Variants in DNAJC7 observed in about 807,000 individuals in gnomAD.
DNAJC7 encodes dnaJ homolog subfamily C member 7.
DNAJC7 carries 18 observed loss-of-function variants against 67.4 expected under a neutral mutation model. The ratio of observed to expected loss-of-function variants is 0.27; its 90% CI spans 0.18 to 0.40. The LOEUF (loss-of-function observed/expected upper bound fraction) is 0.40. DNAJC7 is among the 10% of genes least tolerant of loss of function. The pLI is 1.00. For synonymous variants in DNAJC7, 220 were observed against 207.8 expected (o/e 1.06, Z -0.50); for missense variants, 419 against 613.8 (o/e 0.68, Z 3.35).
chr17:41,986,745 G>A (rs1170560212), intron 9 of DNAJC7, among the ~76,000 whole-genome samples: 1 of 151,934 alleles, frequency 6.6e-6, no homozygotes, highest in Non-Finnish European at 1.5e-5. Context: ...TGTTTCTGTT[G>A]GACAGACTTA....
intron 1 of DNAJC7, among the ~76,000 whole-genome samples, chr17:42,006,582 A>C (rs2051963824): frequency 6.8e-6 from 1 of 147,570 alleles, no homozygotes; most frequent in Non-Finnish European, 1.5e-5. Flanking sequence ...GCAGATCATG[A>C]AGTCAGGAGT....
At chr17:42,011,291 T>C (rs1217984259) in intron 1 of DNAJC7, 1 of 152,238 alleles carries the variant, frequency 6.6e-6, no homozygotes, top group Non-Finnish European at 1.5e-5. Flanking sequence ...AACTAATCCC[T>C]GATTGGCTGG....
intron 1 of DNAJC7, 41 bp from the exon 2 acceptor site, chr17:42,000,611 G>T: frequency 1.4e-6 from 2 of 1,466,880 alleles, no homozygotes; most frequent in East Asian, 2.3e-5. Flanking sequence ...ACTTTACAAA[G>T]GGAATAACCT....
At position 41,997,157 on chromosome 17, in the gene DNAJC7, T is replaced by C; in HGVS notation, c.249A>G (p.Gly83=). 2.5e-6 allele frequency: 4 copies of C among 1,613,916 alleles called. No individual in the cohort carries two copies. The Middle Eastern group carries it at 4.9e-4, about 200-fold the overall frequency. Residue 83 remains glycine, a synonymous_variant, in exon 3 of 14, where the codon GGA becomes GGG. Coordinates refer to ENST00000457167, the MANE Select transcript of DNAJC7 (RefSeq NM_003315.4). ...MMLGRFREAL[G]DAQQSVRLDD... ...CCAACCTCACTGACTGTTGTGCATC[T>C]CCAAGAGCTTCCCGGAACCTTCCAA...
chr17:41,998,357 A>C (rs944996212), intron 2 of DNAJC7, among the ~76,000 whole-genome samples: 2 of 152,146 alleles, frequency 1.3e-5, no homozygotes, highest in Non-Finnish European at 2.9e-5. Context: ...CTGCAATCCC[A>C]GCTACTCAGG....
intron 12 of DNAJC7, among the ~76,000 whole-genome samples, chr17:41,980,795 A>T (rs1281580140): frequency 6.6e-6 from 1 of 152,196 alleles, no homozygotes; most frequent in African/African-American, 2.4e-5. Flanking sequence ...GGGAAATTAA[A>T]ATCTGTGAGT....
intron 9 of DNAJC7, chr17:41,985,731 T>A (rs2051357747): frequency 6.6e-6 from 1 of 152,210 alleles, no homozygotes; most frequent in South Asian, 2.1e-4. Context: ...TGAGGCAGAC[T>A]GCAGCAGTAG....
chr17:41,995,960 C>A (rs1411680709), intron 4 of DNAJC7, among the ~76,000 whole-genome samples: 1 of 152,180 alleles, frequency 6.6e-6, no homozygotes, highest in Non-Finnish European at 1.5e-5. Flanking sequence ...GTGCATGGCA[C>A]CAGGCCTGGC....
At chr17:41,981,636 C>T in intron 12 of DNAJC7, 1 of 580,794 alleles carries the variant, frequency 1.7e-6, no homozygotes. Flanking sequence ...TGCTTTTCTG[C>T]ACTTCCAAGC....
intron 12 of DNAJC7, among the ~76,000 whole-genome samples, chr17:41,979,765 A>G (rs2051199123): frequency 2.0e-5 from 3 of 151,772 alleles, no homozygotes; most frequent in Middle Eastern, 6.8e-3. Context: ...GTTCCAGATC[A>G]GCCTGGCCAA....
At chr17:41,982,436 T>C in intron 10 of DNAJC7, 35 bp from the exon 11 acceptor site, 1 of 1,608,922 alleles carries the variant, frequency 6.2e-7, no homozygotes, top group Non-Finnish European at 8.5e-7. Context: ...TGGACAAATC[T>C]GACTCTGGTT....
intron 12 of DNAJC7, among the ~76,000 whole-genome samples, chr17:41,979,956 G>A (rs180840721): frequency 2.8e-4 from 42 of 151,662 alleles, no homozygotes; most frequent in South Asian, 1.0e-3. Flanking sequence ...GCAAGACTCC[G>A]TCTCAAAAAA....
intron 2 of DNAJC7, 91 bp downstream of exon 2, chr17:42,000,391 T>C: frequency 3.1e-6 from 3 of 982,174 alleles, no homozygotes; most frequent in Non-Finnish European, 4.5e-6. Context: ...AGTGCTGGGA[T>C]TACAGGCGTG....
Position 41,983,621 on chromosome 17 carries a change from T to G in DNAJC7, c.1026A>C (p.Glu342Asp). Residue 342 changes from glutamate to aspartate, a missense_variant, in exon 10 of 14, where the codon GAA (glutamate) becomes GAC (aspartate). By Grantham distance (45) the Glu-to-Asp change is conservative. Transcript: ENST00000457167. ...AGTCTCGTACTGCTTCTTCATACTG[T>G]TCTGTGTCCATGTAACTGAGAAGGA... ...LRRAQCYMDT[E>D]QYEEAVRDYE... The G allele has an allele frequency of 6.2e-7, 1 of 1,603,512 alleles. No homozygotes were observed. Among genetic ancestry groups the G allele is most frequent in the Non-Finnish European group, 8.5e-7 (1 of 1,174,230 alleles).
At chr17:41,993,986 T>C (rs1418172466) in intron 5 of DNAJC7, among the ~76,000 whole-genome samples, 1 of 148,102 alleles carries the variant, frequency 6.8e-6, no homozygotes, top group Non-Finnish European at 1.5e-5. Context: ...GAGGTTGCAG[T>C]GAGCCGAGAT....
At chr17:42,006,882 A>C (rs1365632745) in intron 1 of DNAJC7, among the ~76,000 whole-genome samples, 9 of 149,096 alleles carry the variant, frequency 6.0e-5, no homozygotes, top group African/African-American at 1.5e-4. Context: ...GGCAGATCAC[A>C]AGGTCAGGAG....
chr17:41,986,864 A>C (rs1555646944), intron 9 of DNAJC7, among the ~76,000 whole-genome samples: 2 of 152,164 alleles, frequency 1.3e-5, no homozygotes, highest in African/African-American at 2.4e-5. Context: ...AGTCCATGAG[A>C]TATTCTGTAC....
At chr17:42,006,994 C>T (rs1555650424) in intron 1 of DNAJC7, among the ~76,000 whole-genome samples, 2 of 150,142 alleles carry the variant, frequency 1.3e-5, no homozygotes, top group Non-Finnish European at 3.0e-5. Context: ...CCCAGCTACT[C>T]AGTAGGCTGA....
At chr17:41,987,219 A>T (rs1486748858) in intron 9 of DNAJC7, among the ~76,000 whole-genome samples, 1 of 152,100 alleles carries the variant, frequency 6.6e-6, no homozygotes, top group South Asian at 2.1e-4. Context: ...CCTGGCTCAT[A>T]ATCACCCTGT....
Sources: allele counts gnomAD v4.1 joint callset (sites outside exome capture counted in the v4.1 genomes callset), GRCh38; gene constraint gnomAD v4.1.1; transcripts MANE v1.5; gene names NCBI Gene and HGNC (gene_info 2026-07-23, HGNC 2026-07-21).